Variants in ZNF385D observed in about 807,000 individuals in gnomAD.
The protein encoded by ZNF385D is zinc finger protein 385D.
A neutral mutation model predicts 35.8 loss-of-function variants in ZNF385D; 15 were observed. The ratio of observed to expected loss-of-function variants is 0.42; its 90% CI spans 0.28 to 0.64. ZNF385D has a LOEUF of 0.64. Ranked by LOEUF, ZNF385D falls within the 30% of genes least tolerant of loss-of-function variation. The pLI is 0.23. For synonymous variants in ZNF385D, 212 were observed against 186.8 expected (o/e 1.13, Z -1.10); for missense variants, 474 against 494.6 (o/e 0.96, Z 0.39).
At chr3:22,288,261 C>T (rs944475805) in intron 2 of ZNF385D, among the ~76,000 whole-genome samples, 8 of 151,870 alleles carry the variant, frequency 5.3e-5, no homozygotes, top group African/African-American at 1.9e-4. Flanking sequence ...ATCTTTTGGG[C>T]TTCTTATATG....
intron 3 of ZNF385D, among the ~76,000 whole-genome samples, chr3:21,852,985 T>C (rs2125813822): frequency 6.6e-6 from 1 of 152,032 alleles, no homozygotes; most frequent in East Asian, 1.9e-4. Flanking sequence ...TCCACACTAA[T>C]AAAACATCCC....
In ZNF385D at chr3:21,446,492, T is replaced by TTTA. The variant is rs1388179063; in HGVS notation, c.440-9290_440-9289insTAA. On this transcript the variant is annotated intron_variant, in intron 4 of 7. Coordinates refer to ENST00000281523, the MANE Select transcript of ZNF385D (RefSeq NM_024697.3). ...GATACTACCTAATCAATGAACTTTT[T>TTTA]TTTTTTTTTTTTTTTTTTTGAGACA... Among the ~76,000 whole-genome samples, 2 of 111,790 alleles carry TTTA rather than the reference T, an allele frequency of 1.8e-5. 1 individual carries two copies. Among genetic ancestry groups the TTTA allele is most frequent in the African/African-American group, 6.2e-5 (2 of 32,064 alleles). The allele number at this position is 111,790 out of a possible 152,430, so 73.3% of individuals were successfully genotyped here. A position where few individuals can be genotyped will look rare whatever the true frequency, so the allele number is the denominator to read the frequency against.
At chr3:22,018,766 A>G (rs1048540091) in intron 3 of ZNF385D, among the ~76,000 whole-genome samples, 5 of 151,912 alleles carry the variant, frequency 3.3e-5, no homozygotes, top group Non-Finnish European at 7.4e-5. Context: ...TCCTATGTAC[A>G]TTGGGTTGTG....
At chr3:22,279,828 C>A (rs1701646071) in intron 2 of ZNF385D, among the ~76,000 whole-genome samples, 3 of 151,958 alleles carry the variant, frequency 2.0e-5, no homozygotes, top group South Asian at 4.1e-4. Flanking sequence ...GATCAAATGG[C>A]AGATCTACTT....
At chr3:21,746,565 T>C (rs150330844) in intron 1 of ZNF385D, among the ~76,000 whole-genome samples, 2 of 152,210 alleles carry the variant, frequency 1.3e-5, no homozygotes, top group Non-Finnish European at 2.9e-5. Flanking sequence ...GTAATTTAGA[T>C]GTATTTGTAA....
chr3:22,216,147 G>C (rs746485440), intron 2 of ZNF385D, among the ~76,000 whole-genome samples: 4 of 151,988 alleles, frequency 2.6e-5, no homozygotes, highest in Admixed American at 1.3e-4. Context: ...CTCTGAAACA[G>C]ATATTTCAGG....
intron 2 of ZNF385D, among the ~76,000 whole-genome samples, chr3:22,281,176 A>G (rs1701717459): frequency 6.6e-6 from 1 of 152,012 alleles, no homozygotes; most frequent in Admixed American, 6.6e-5. Flanking sequence ...TCCTGTCATC[A>G]GCAAACAGTG....
chr3:21,903,919 G>A, intron 3 of ZNF385D, among the ~76,000 whole-genome samples: 1 of 152,122 alleles, frequency 6.6e-6, no homozygotes, highest in East Asian at 1.9e-4. Context: ...TCTGGAATTT[G>A]TTTTTTTCTT....
intron 3 of ZNF385D, among the ~76,000 whole-genome samples, chr3:22,036,328 G>A (rs1698313279): frequency 6.6e-6 from 1 of 152,172 alleles, no homozygotes. Context: ...ACTGGTAGCT[G>A]TGACCAGAAA....
At chr3:21,826,445 A>G (rs900284548) in intron 3 of ZNF385D, among the ~76,000 whole-genome samples, 31 of 152,168 alleles carry the variant, frequency 2.0e-4, no homozygotes, top group African/African-American at 7.5e-4. Context: ...TGGAAGAAAT[A>G]TTTGGTAAGG....
At chr3:22,357,548 C>T (rs967045118) in intron 2 of ZNF385D, among the ~76,000 whole-genome samples, 1 of 151,840 alleles carries the variant, frequency 6.6e-6, no homozygotes, top group African/African-American at 2.4e-5. Flanking sequence ...AGCATTATAT[C>T]AGTCAGGATA....
chr3:21,821,632 AATGTAAATTAAAATCACAAGGGGACTTG>A (rs1291490243), intron 3 of ZNF385D, among the ~76,000 whole-genome samples: 2 of 152,174 alleles, frequency 1.3e-5, no homozygotes, highest in Non-Finnish European at 2.9e-5. Flanking sequence ...TAACCAGAAA[AATGTAAATTAAAATCACAAGGGGACTTG>A]ATTGCAAAAA....
At chr3:21,953,224 A>C (rs1702141668) in intron 3 of ZNF385D, among the ~76,000 whole-genome samples, 1 of 151,722 alleles carries the variant, frequency 6.6e-6, no homozygotes, top group African/African-American at 2.4e-5. Context: ...CATTTCAAGC[A>C]AGCAGCAGAA....
intron 3 of ZNF385D, among the ~76,000 whole-genome samples, chr3:21,519,744 A>C (rs1363080251): frequency 6.6e-6 from 1 of 152,216 alleles, no homozygotes; most frequent in Non-Finnish European, 1.5e-5. Flanking sequence ...AGTTTGTACA[A>C]AACTGAGAAA....
intron 2 of ZNF385D, among the ~76,000 whole-genome samples, chr3:21,626,628 C>A (rs1427301227): frequency 6.6e-6 from 1 of 152,070 alleles, no homozygotes; most frequent in Non-Finnish European, 1.5e-5. Context: ...TACTGCAGTT[C>A]ATTTCTCCTC....
In ZNF385D at chr3:21,635,597, CAG is replaced by C. The variant is rs201067851; in HGVS notation, c.165+29287_165+29288del. ...TGTTGTTTCCATAGGTTTGGGGGAA[CAG>C]GGGGTGTTTGGTTACATAAGTTCTT... On this transcript the variant is annotated intron_variant, in intron 2 of 7. Transcript: ENST00000281523. 4.6e-3 allele frequency among the ~76,000 whole-genome samples: 702 copies of C among 151,930 alleles called. 6 individuals carry two copies. Among genetic ancestry groups the C allele is most frequent in the African/African-American group, 0.015 (604 of 41,432 alleles).
At chr3:21,736,809 G>C (rs1263437086) in intron 1 of ZNF385D, among the ~76,000 whole-genome samples, 1 of 152,180 alleles carries the variant, frequency 6.6e-6, no homozygotes, top group Non-Finnish European at 1.5e-5. Context: ...AAGGCAGTTT[G>C]TCAGTTTAAA....
intron 2 of ZNF385D, among the ~76,000 whole-genome samples, chr3:22,337,982 T>C (rs1283121356): frequency 6.6e-6 from 1 of 152,190 alleles, no homozygotes; most frequent in Non-Finnish European, 1.5e-5. Flanking sequence ...AAATTCTACA[T>C]ATGGGGTTTA....
At chr3:22,012,799 C>A (rs749717694) in intron 3 of ZNF385D, among the ~76,000 whole-genome samples, 3 of 152,040 alleles carry the variant, frequency 2.0e-5, no homozygotes, top group East Asian at 1.9e-4. Context: ...TTCTTAGGAA[C>A]TGGTAATCAG....
Sources: gnomAD v4.1 joint callset for allele counts (sites outside exome capture counted in the v4.1 genomes callset) on GRCh38, gnomAD v4.1.1 for gene constraint, MANE v1.5 for transcripts, NCBI Gene and HGNC (gene_info 2026-07-23, HGNC 2026-07-21) for gene names.